The following ZNF718 variants were observed in gnomAD, a reference collection of about 807,000 sequenced individuals.
ZNF718 encodes the protein zinc finger protein 718.
In ZNF718, 3 loss-of-function variants were observed where a neutral mutation model predicts 2.6. The observed-to-expected ratio is 1.16, with a 90% CI of 0.53 to 3.01. The LOEUF (loss-of-function observed/expected upper bound fraction) is 3.01, where lower values mean the gene tolerates loss of function less well. ZNF718 is among the 30% of genes most tolerant of loss of function. The pLI, the probability that ZNF718 is intolerant of heterozygous loss-of-function variation, is 0.03. For synonymous variants in ZNF718, 135 were observed against 77.9 expected, an observed-to-expected ratio of 1.73 and a Z score of -3.86; for missense variants, 468 against 230.0, an observed-to-expected ratio of 2.03 and a Z score of -6.69.
intron 3 of ZNF718, among the ~76,000 whole-genome samples, chr4:173,996 C>G (rs1717298239): frequency 6.6e-6 from 1 of 151,974 alleles, no homozygotes; most frequent in African/African-American, 2.4e-5. Context: ...ATCGTAGGCC[C>G]CCAAGTAGAG....
rs1374658464 is a variant in ZNF718 at position 161,718 on chromosome 4, G to A, written c.1033G>A (p.Gly345Arg). The A allele has an allele frequency of 7.7e-6, 6 of 779,112 alleles. No individual in the cohort carries two copies. In the East Asian group the frequency reaches 1.5e-4, roughly 19 times the overall value. The allele number at this position is 779,112 out of a possible 1,614,324, so 48.3% of individuals were successfully genotyped here. Residue 345 changes from glycine (G) to arginine (R), a missense_variant, in exon 4 of 4, where the codon GGA becomes AGA. Coordinates refer to ENST00000510175, the MANE Select transcript of ZNF718 (RefSeq NM_001039127.6). ...GAAACCCTACAAATGTGAAGAATGT[G>A]GAAAATCCTTTAATAGGTCCACAAC... ...GEKPYKCEECGKSFNRSTTLT... is the reference protein window; with the variant it reads ...GEKPYKCEECRKSFNRSTTLT...
At position 161,599 on chromosome 4, in the gene ZNF718, A is replaced by T. The variant is rs536430503; in HGVS notation, c.914A>T (p.His305Leu). The change falls in exon 4 of 4, where the codon CAT becomes CTT. Residue 305 changes from histidine (H) to leucine (L), a missense_variant. Transcript: ENST00000510175. The part of the protein sequence containing the change: ...SSSLNEHKRI[H>L]AGEKPFSCEE... ...TCCCTTAATGAACATAAGAGAATTC[A>T]TGCTGGAGAGAAACCCTTCTCATGC... 7.7e-5 allele frequency: 60 copies of T among 780,852 alleles called. No individual in the cohort carries two copies. The East Asian group carries it at 1.5e-3, about 19-fold the overall frequency. 48.4% of individuals were successfully genotyped at this position (780,852 alleles called of 1,614,324 possible). A position where few individuals can be genotyped will look rare whatever the true frequency, so the allele number is the denominator to read the frequency against.
chr4:172,865 C>G (rs1553818342), intron 3 of ZNF718, among the ~76,000 whole-genome samples: 2 of 151,922 alleles, frequency 1.3e-5, no homozygotes, highest in Non-Finnish European at 2.9e-5. Flanking sequence ...ACCATCCTGG[C>G]CAACATGGTG....
At chr4:140,829 C>T (rs891675517) in intron 3 of ZNF718, among the ~76,000 whole-genome samples, 1 of 152,160 alleles carries the variant, frequency 6.6e-6, no homozygotes, top group Admixed American at 6.5e-5. Flanking sequence ...TAAGTCTAAG[C>T]AATTTTCAAG....
chr4:194,526 G>T (rs191826018), intron 3 of ZNF718, among the ~76,000 whole-genome samples: 1 of 152,272 alleles, frequency 6.6e-6, no homozygotes, highest in East Asian at 1.9e-4. Flanking sequence ...TCTTTGACCT[G>T]ACTGAGATAT....
At chr4:192,331 TC>T (rs1405853105) in intron 3 of ZNF718, among the ~76,000 whole-genome samples, 1 of 152,182 alleles carries the variant, frequency 6.6e-6, no homozygotes, top group Non-Finnish European at 1.5e-5. Flanking sequence ...TCATTGTCCC[TC>T]CCCCTGTGCT....
intron 3 of ZNF718, among the ~76,000 whole-genome samples, chr4:173,235 G>A (rs184375201): frequency 2.0e-5 from 3 of 150,734 alleles, no homozygotes; most frequent in Non-Finnish European, 4.4e-5. Context: ...AACTAAACCT[G>A]TAGTCAGCAA....
chr4:156,456 C>G (rs1190333834), intron 3 of ZNF718, among the ~76,000 whole-genome samples: 1 of 151,550 alleles, frequency 6.6e-6, no homozygotes, highest in Non-Finnish European at 1.5e-5. Flanking sequence ...GCCATCATAC[C>G]TCTGTATCTC....
rs547292658 is a variant in ZNF718 at position 173,790 on chromosome 4, C to G, written c.227-27291C>G. On this transcript the variant is annotated intron_variant and NMD_transcript_variant, in intron 3 of 4. Transcript: ENST00000642529. ...TAGGGCCACCACCTGCAGAGTCCATCCCACAGAATTTGGCTGAGCGAGGGA... is the reference window on the plus strand; with the variant it reads ...TAGGGCCACCACCTGCAGAGTCCATGCCACAGAATTTGGCTGAGCGAGGGA... Among the ~76,000 whole-genome samples, 11 of 152,266 alleles carry G rather than the reference C, an allele frequency of 7.2e-5. No homozygotes were observed. The South Asian group carries it at 2.3e-3, about 32-fold the overall frequency.
rs1463557229 is a variant in ZNF718 at position 132,289 on chromosome 4, A to AT, written c.226+790dup. On this transcript the variant is annotated intron_variant, in intron 3 of 3. Coordinates refer to ENST00000510175, the MANE Select transcript of ZNF718 (RefSeq NM_001039127.6). ...AGAAAATAATTTCTGAAAAGGCTGC[A>AT]TTTTTTCTCTTAGGGTCATCTTCTC... Among the ~76,000 whole-genome samples, 2 of 103,440 alleles carry AT rather than the reference A, an allele frequency of 1.9e-5. 1 individual carries two copies. The highest frequency in any genetic ancestry group is 4.3e-5 in the Non-Finnish European group (2 of 46,520). The allele number at this position is 103,440 out of a possible 152,430, so 67.9% of individuals were successfully genotyped here.
At position 163,893 on chromosome 4, in the gene ZNF718, A is replaced by C. The variant is rs374843141; in HGVS notation, c.*1771A>C. 1.3e-5 allele frequency: 2 copies of C among 151,766 alleles called. No individual in the cohort carries two copies. Among genetic ancestry groups the C allele is most frequent in the Non-Finnish European group, 2.9e-5 (2 of 67,866 alleles). 9.4% of individuals were successfully genotyped at this position (151,766 alleles called of 1,614,324 possible). ...TATTTTTAAAAATTTATGTGGGTAC[A>C]TGGTATGTGTATACATTCATGGCAT... On this transcript the variant is annotated 3_prime_UTR_variant, in exon 4 of 4. Coordinates refer to ENST00000510175, the MANE Select transcript of ZNF718 (RefSeq NM_001039127.6).
At chr4:160,103 A>G (rs1553814564) in intron 3 of ZNF718, among the ~76,000 whole-genome samples, 1 of 152,176 alleles carries the variant, frequency 6.6e-6, no homozygotes, top group East Asian at 1.9e-4. Context: ...TGAAACATTT[A>G]CCTTTGGTCT....
rs532609680 is a variant in ZNF718, at chr4:171,938, C to T, written c.227-29143C>T. On this transcript the variant is annotated intron_variant and NMD_transcript_variant, in intron 3 of 4. Coordinates refer to the ZNF718 transcript ENST00000642529. ...AATCACACGTCTTCTGCGTCGCTCA[C>T]GCTGGGAGCTGTAGACTGGAGCTGT... Among the ~76,000 whole-genome samples, 97 of 152,320 alleles carry T rather than the reference C, an allele frequency of 6.4e-4. 2 individuals carry two copies. The South Asian group carries it at 0.019, about 30-fold the overall frequency.
intron 3 of ZNF718, among the ~76,000 whole-genome samples, chr4:196,748 CCCAACCCAGAA>C (rs1318561628): frequency 6.6e-6 from 1 of 152,008 alleles, no homozygotes; most frequent in Non-Finnish European, 1.5e-5. Context: ...GACCAACACT[CCCAACCCAGAA>C]GGGTTGGGGG....
chr4:134,490 T>C (rs1026410026), intron 3 of ZNF718, among the ~76,000 whole-genome samples: 3 of 152,210 alleles, frequency 2.0e-5, no homozygotes, highest in Admixed American at 2.0e-4. Flanking sequence ...TTCAAAATTG[T>C]GTTTTCTATT....
chr4:173,475 G>C (rs146145904), intron 3 of ZNF718, among the ~76,000 whole-genome samples: 2 of 152,252 alleles, frequency 1.3e-5, no homozygotes, highest in Non-Finnish European at 2.9e-5. Flanking sequence ...CCTCAGCTCA[G>C]CAGTCAGAGC....
At chr4:171,648 A>G (rs908782601) in intron 3 of ZNF718, among the ~76,000 whole-genome samples, 5 of 152,172 alleles carry the variant, frequency 3.3e-5, no homozygotes, top group African/African-American at 7.2e-5. Context: ...TGAGCCAGGC[A>G]TGGGATATAA....
At chr4:138,341 A>C (rs1553809723) in intron 3 of ZNF718, among the ~76,000 whole-genome samples, 1 of 152,180 alleles carries the variant, frequency 6.6e-6, no homozygotes, top group African/African-American at 2.4e-5. Context: ...TCTATGAATT[A>C]GTTTAATTTT....
intron 3 of ZNF718, chr4:142,111 C>G: frequency 3.9e-6 from 2 of 516,214 alleles, no homozygotes; most frequent in South Asian, 2.8e-5. Flanking sequence ...GATAAGGGTC[C>G]CTCCACATTT....
Sources: gnomAD v4.1 joint callset for allele counts (sites outside exome capture counted in the v4.1 genomes callset) on GRCh38, gnomAD v4.1.1 for gene constraint, MANE v1.5 for transcripts, NCBI Gene and HGNC (gene_info 2026-07-23, HGNC 2026-07-21) for gene names.